The following AGPAT5 variants were observed in gnomAD, a reference collection of about 807,000 sequenced individuals.
AGPAT5 encodes the protein 1-acyl-sn-glycerol-3-phosphate acyltransferase epsilon.
In AGPAT5, 46 loss-of-function variants were observed where a neutral mutation model predicts 45.6. The observed-to-expected ratio is 1.01, with a 90% CI of 0.80 to 1.29. The LOEUF is 1.29. Ranked by LOEUF, AGPAT5 falls within the 50% of genes most tolerant of loss-of-function variation. The probability of loss-of-function intolerance (pLI) is 0.00; values close to 1 mark genes in which losing one functional copy is unlikely to be tolerated. For missense variants in AGPAT5, 673 were observed against 450.7 expected (o/e 1.49, Z -4.47); for synonymous variants, 272 against 167.0 (o/e 1.63, Z -4.85).
chr8:6,709,098 G>A lies in AGPAT5; in HGVS notation c.219+211G>A. The A allele has an allele frequency of 6.4e-6, 4 of 625,268 alleles. No individual in the cohort carries two copies. In the East Asian group the frequency reaches 1.1e-4, roughly 18 times the overall value. The allele number at this position is 625,268 out of a possible 1,614,324, so 38.7% of individuals were successfully genotyped here. A position where few individuals can be genotyped will look rare whatever the true frequency, so the allele number is the denominator to read the frequency against. ...GGAAGCTGTGGCTGCGTCGTCCTGA[G>A]GCTACGAGTGGGACCCGCCGCCCCT... On this transcript the variant is annotated intron_variant, in intron 1 of 7. Coordinates refer to ENST00000285518, the MANE Select transcript of AGPAT5 (RefSeq NM_018361.5).
Position 6,730,734 on chromosome 8 carries a change from T to C in AGPAT5, c.313T>C (p.Leu105=), listed in dbSNP as rs139817148. 8.8e-5 allele frequency: 142 copies of C among 1,613,386 alleles called. 1 individual carries two copies. In the African/African-American group the frequency reaches 1.8e-3, roughly 20 times the overall value. Residue 105 remains leucine, a synonymous_variant, in exon 3 of 8, where the codon TTG becomes CTG. Coordinates refer to ENST00000285518, the MANE Select transcript of AGPAT5 (RefSeq NM_018361.5). ...AGTTGACTGGATTGTTGCTGACATC[T>C]TGGCCATCAGGCAGAATGCGCTAGG... The part of the protein sequence containing the change: ...STVDWIVADI[L]AIRQNALGHV...
intron 7 of AGPAT5, among the ~76,000 whole-genome samples, chr8:6,756,204 C>T (rs542450735): frequency 2.6e-4 from 39 of 152,210 alleles, no homozygotes; most frequent in African/African-American, 9.2e-4. Context: ...ATGCTGTTTT[C>T]CTTCTTTTAC....
rs1800493827 is a variant in AGPAT5, at chr8:6,721,442, A to G, written c.220-3428A>G. Among the ~76,000 whole-genome samples, 3 of 152,240 alleles carry G rather than the reference A, an allele frequency of 2.0e-5. No individual in the cohort carries two copies. In the South Asian group the frequency reaches 6.2e-4, roughly 31 times the overall value. ...AAAAGTTCCATTTCATGGGATAAGA[A>G]TAATGACAGGTTAACCTATTTTAGT... On this transcript the variant is annotated intron_variant, in intron 1 of 7. Coordinates refer to ENST00000285518, the MANE Select transcript of AGPAT5 (RefSeq NM_018361.5).
chr8:6,711,430 C>T (rs543033379), intron 1 of AGPAT5, among the ~76,000 whole-genome samples: 1 of 152,324 alleles, frequency 6.6e-6, no homozygotes, highest in African/African-American at 2.4e-5. Context: ...TCCAGAATCT[C>T]TCATTGGTAC....
intron 5 of AGPAT5, among the ~76,000 whole-genome samples, chr8:6,747,097 A>G (rs74390307): frequency 0.084 from 12,736 of 152,342 alleles, 717 homozygotes; most frequent in Non-Finnish European, 0.12. Flanking sequence ...CATTATTCAT[A>G]ATAGCCAAAG....
intron 1 of AGPAT5, among the ~76,000 whole-genome samples, chr8:6,724,375 C>T (rs954705984): frequency 5.9e-5 from 9 of 152,168 alleles, no homozygotes; most frequent in African/African-American, 1.9e-4. Flanking sequence ...CCTAATAATA[C>T]TCCTGCTCTG....
intron 6 of AGPAT5, among the ~76,000 whole-genome samples, chr8:6,749,199 A>G (rs973720210): frequency 6.6e-6 from 1 of 152,200 alleles, no homozygotes; most frequent in Non-Finnish European, 1.5e-5. Context: ...AGGGTCACTC[A>G]GGTTTTAAAA....
chr8:6,715,898 T>G (rs1340065180), intron 1 of AGPAT5, among the ~76,000 whole-genome samples: 2 of 152,180 alleles, frequency 1.3e-5, no homozygotes, highest in African/African-American at 4.8e-5. Context: ...AAAAGAGGTT[T>G]TCAATTGATA....
At position 6,757,495 on chromosome 8, in the gene AGPAT5, C is replaced by CT; in HGVS notation, c.*109dup. Reference sequence around the variant, plus strand: ...ATTTATTAAGGAGTGTAAATAAAGCCTTGTTGATTGAAGATTGGATAATAG... The same window carrying CT: ...ATTTATTAAGGAGTGTAAATAAAGCCTTTGTTGATTGAAGATTGGATAATAG... On this transcript the variant is annotated 3_prime_UTR_variant, in exon 8 of 8. Coordinates refer to ENST00000285518, the MANE Select transcript of AGPAT5 (RefSeq NM_018361.5). The CT allele has an allele frequency of 1.2e-6, 1 of 854,732 alleles. No homozygotes were observed. Among genetic ancestry groups the CT allele is most frequent in the Non-Finnish European group, 1.8e-6 (1 of 540,906 alleles). The allele number at this position is 854,732 out of a possible 1,614,324, so 52.9% of individuals were successfully genotyped here. A position where few individuals can be genotyped will look rare whatever the true frequency, so the allele number is the denominator to read the frequency against.
intron 5 of AGPAT5, among the ~76,000 whole-genome samples, chr8:6,744,991 T>G (rs1191273389): frequency 6.6e-6 from 1 of 152,222 alleles, no homozygotes; most frequent in Non-Finnish European, 1.5e-5. Flanking sequence ...GTGGAGCAGT[T>G]CTTTTATTTT....
At chr8:6,726,319 T>C (rs1800684770) in intron 2 of AGPAT5, among the ~76,000 whole-genome samples, 1 of 152,220 alleles carries the variant, frequency 6.6e-6, no homozygotes. Context: ...TCTTGATAGA[T>C]TTGATTTTCC....
At chr8:6,725,680 ACTT>A (rs1800660700) in intron 2 of AGPAT5, among the ~76,000 whole-genome samples, 1 of 152,134 alleles carries the variant, frequency 6.6e-6, no homozygotes, top group Non-Finnish European at 1.5e-5. Context: ...AAAAAATCCC[ACTT>A]CTTATGTTTT....
At chr8:6,716,951 G>C (rs890017814) in intron 1 of AGPAT5, among the ~76,000 whole-genome samples, 1 of 152,168 alleles carries the variant, frequency 6.6e-6, no homozygotes, top group Admixed American at 6.5e-5. Context: ...GGAGATTTTT[G>C]AATGGCATAA....
rs756764427 is a variant in AGPAT5 at position 6,708,734 on chromosome 8, G to C, written c.66G>C (p.Leu22=). ...MRYLLPSVVL[L]GTAPTYVLAW... Reference sequence around the variant, plus strand: ...ACCTGCTGCCCAGCGTCGTGCTCCTGGGCACGGCGCCCACCTACGTGTTGG... The same window carrying C: ...ACCTGCTGCCCAGCGTCGTGCTCCTCGGCACGGCGCCCACCTACGTGTTGG... The change falls in exon 1 of 8, where the codon CTG becomes CTC. Residue 22 remains leucine (L), a synonymous_variant. Transcript: ENST00000285518. 2 of 1,607,478 alleles carry C rather than the reference G, an allele frequency of 1.2e-6. No individual in the cohort carries two copies. Among genetic ancestry groups the C allele is most frequent in the Non-Finnish European group, 1.7e-6 (2 of 1,179,654 alleles).
At chr8:6,735,558 A>T (rs1801022732) in intron 4 of AGPAT5, among the ~76,000 whole-genome samples, 1 of 152,240 alleles carries the variant, frequency 6.6e-6, no homozygotes, top group Non-Finnish European at 1.5e-5. Context: ...CAACTAAACA[A>T]CCACTTGCAT....
In AGPAT5 at chr8:6,730,725, G is replaced by C. The variant is rs770132539; in HGVS notation, c.304G>C (p.Ala102Pro). The change falls in exon 3 of 8, where the codon GCT becomes CCT. Residue 102 changes from alanine (A) to proline (P), a missense_variant. Transcript: ENST00000285518. ...NHQSTVDWIV[A>P]DILAIRQNAL... ...TGTCTCTGCAGTTGACTGGATTGTTGCTGACATCTTGGCCATCAGGCAGAA... is the reference window on the plus strand; with the variant it reads ...TGTCTCTGCAGTTGACTGGATTGTTCCTGACATCTTGGCCATCAGGCAGAA... The C allele has an allele frequency of 4.3e-6, 7 of 1,613,116 alleles. No homozygotes were observed. The highest frequency in any genetic ancestry group is 5.9e-6 in the Non-Finnish European group (7 of 1,179,312).
At position 6,708,841 on chromosome 8, in the gene AGPAT5, A is replaced by T. The variant is rs1197655790; in HGVS notation, c.173A>T (p.Tyr58Phe). 2 of 1,611,240 alleles carry T rather than the reference A, an allele frequency of 1.2e-6. No individual in the cohort carries two copies. The highest frequency in any genetic ancestry group is 1.7e-6 in the Non-Finnish European group (2 of 1,179,470). ...QALDDRLYCV[Y>F]QSMVLFFFEN... ...CTGGACGACCGGCTCTACTGCGTCT[A>T]CCAGAGCATGGTGCTCTTCTTCTTC... is the stretch of plus-strand genomic sequence containing the variant. Residue 58 changes from tyrosine (Y) to phenylalanine (F), a missense_variant, in exon 1 of 8, where the codon TAC (tyrosine) becomes TTC (phenylalanine). Transcript: ENST00000285518.
At chr8:6,711,649 T>A (rs1307335335) in intron 1 of AGPAT5, among the ~76,000 whole-genome samples, 1 of 152,230 alleles carries the variant, frequency 6.6e-6, no homozygotes, top group African/African-American at 2.4e-5. Flanking sequence ...CTTAAAATAA[T>A]AGAACTTAAG....
Position 6,761,062 on chromosome 8 carries a change from A to G in AGPAT5, c.*3674A>G, listed in dbSNP as rs1802025363. On this transcript the variant is annotated 3_prime_UTR_variant, in exon 8 of 8. Transcript: ENST00000285518. Reference sequence around the variant, plus strand: ...AACTGGGGAGTCATATATGAGGTCAAAGACATATACCTTGTTATTATAATA... The same window carrying G: ...AACTGGGGAGTCATATATGAGGTCAGAGACATATACCTTGTTATTATAATA... Among the ~76,000 whole-genome samples, 2 of 152,222 alleles carry G rather than the reference A, an allele frequency of 1.3e-5. No individual in the cohort carries two copies. Among genetic ancestry groups the G allele is most frequent in the South Asian group, 4.1e-4 (2 of 4,822 alleles).
Sources: gnomAD v4.1 joint callset for allele counts (sites outside exome capture counted in the v4.1 genomes callset) on GRCh38, gnomAD v4.1.1 for gene constraint, MANE v1.5 for transcripts, NCBI Gene and HGNC (gene_info 2026-07-23, HGNC 2026-07-21) for gene names.